Variants in NTM observed in about 807,000 individuals in gnomAD.
NTM encodes the protein IgLON family member 2.
In NTM, 13 loss-of-function variants were observed where a neutral mutation model predicts 42.1. The observed-to-expected ratio is 0.31, with a 90% CI of 0.20 to 0.49. The LOEUF (loss-of-function observed/expected upper bound fraction) is 0.49. Among genes scored for constraint, NTM ranks in the 20% least tolerant of loss-of-function variants. NTM has a pLI of 0.99. For missense variants in NTM, 373 were observed against 452.8 expected, an observed-to-expected ratio of 0.82 and a Z score of 1.60; for synonymous variants, 187 against 179.2, an observed-to-expected ratio of 1.04 and a Z score of -0.35.
intron 1 of NTM, among the ~76,000 whole-genome samples, chr11:131,598,577 G>A (rs2137368995): frequency 6.6e-6 from 1 of 152,182 alleles, no homozygotes; most frequent in South Asian, 2.1e-4. Flanking sequence ...AGTCACTGGG[G>A]TCCCAGGCTG....
At chr11:132,284,636 C>A (rs944022826) in intron 4 of NTM, 1 of 153,140 alleles carries the variant, frequency 6.5e-6, no homozygotes, top group African/African-American at 2.4e-5. Context: ...CACTGTGATA[C>A]TGGCGGTTGG....
At chr11:132,289,802 G>C (rs944312782) in intron 4 of NTM, among the ~76,000 whole-genome samples, 2 of 152,196 alleles carry the variant, frequency 1.3e-5, no homozygotes, top group African/African-American at 4.8e-5. Flanking sequence ...CAGCACTGAG[G>C]TTTACCTCAG....
At chr11:131,787,354 G>GATTATTATTATTATT (rs149079341) in intron 1 of NTM, among the ~76,000 whole-genome samples, 27,227 of 144,216 alleles carry the variant, frequency 0.19, 2,790 homozygotes, top group East Asian at 0.38. Context: ...CATAATACAA[G>GATTATTATTATTATT]ATTATTATTA....
intron 1 of NTM, among the ~76,000 whole-genome samples, chr11:131,580,933 A>G (rs2058350866): frequency 6.6e-6 from 1 of 152,176 alleles, no homozygotes; most frequent in Non-Finnish European, 1.5e-5. Context: ...CACAGTGGCC[A>G]CCAAAAGGTC....
At chr11:131,995,434 G>T (rs2067822348) in intron 2 of NTM, among the ~76,000 whole-genome samples, 2 of 152,092 alleles carry the variant, frequency 1.3e-5, no homozygotes, top group African/African-American at 4.8e-5. Flanking sequence ...CTGTGCATCT[G>T]GTTTGGTCTG....
At chr11:131,977,007 G>C (rs1189094638) in intron 2 of NTM, among the ~76,000 whole-genome samples, 5 of 148,488 alleles carry the variant, frequency 3.4e-5, no homozygotes, top group African/African-American at 1.2e-4. Flanking sequence ...GAGCACAGGG[G>C]TGACCAGCCC....
intron 1 of NTM, chr11:131,774,160 T>A (rs911608856): frequency 8.3e-5 from 81 of 976,934 alleles, no homozygotes; most frequent in Non-Finnish European, 9.5e-5. Flanking sequence ...GGGAAACCCA[T>A]CAGCTCTAAG....
intron 1 of NTM, among the ~76,000 whole-genome samples, chr11:131,391,051 G>A (rs1370906917): frequency 3.3e-5 from 5 of 152,156 alleles, no homozygotes; most frequent in Admixed American, 1.3e-4. Context: ...ACGGGGCTGC[G>A]GGGAAAGGCA....
Position 132,335,656 on chromosome 11 carries a change from A to T in NTM, c.*510A>T, listed in dbSNP as rs2095866815. 6.6e-6 allele frequency: 1 copy of T among 152,608 alleles called. No homozygotes were observed. The highest frequency in any genetic ancestry group is 2.4e-5 in the African/African-American group (1 of 41,468). The allele number at this position is 152,608 out of a possible 1,614,324, so 9.5% of individuals were successfully genotyped here. A position where few individuals can be genotyped will look rare whatever the true frequency, so the allele number is the denominator to read the frequency against. ...ACGTGAAATAAAAAGAGCAAGAAAG[A>T]AAAAGGAAACAAAATAAGACCGTCT... On this transcript the variant is annotated 3_prime_UTR_variant, in exon 9 of 9. Transcript: ENST00000683400.
chr11:132,117,133 G>A (rs1017086701), intron 2 of NTM, among the ~76,000 whole-genome samples: 2 of 152,302 alleles, frequency 1.3e-5, no homozygotes, highest in African/African-American at 4.8e-5. Flanking sequence ...GAAATCGTGA[G>A]TGTTCATTTA....
intron 4 of NTM, among the ~76,000 whole-genome samples, chr11:132,270,535 C>T (rs928472088): frequency 2.6e-5 from 4 of 151,938 alleles, no homozygotes; most frequent in Non-Finnish European, 5.9e-5. Flanking sequence ...GGTCAGAGAA[C>T]CATATTTTTA....
intron 1 of NTM, among the ~76,000 whole-genome samples, chr11:131,751,624 G>A (rs181919464): frequency 6.6e-6 from 1 of 151,970 alleles, no homozygotes; most frequent in African/African-American, 2.4e-5. Flanking sequence ...GCTGGACATG[G>A]TGGCATGTGC....
At chr11:132,254,795 C>G (rs192089052) in intron 4 of NTM, among the ~76,000 whole-genome samples, 1 of 152,250 alleles carries the variant, frequency 6.6e-6, no homozygotes, top group Admixed American at 6.5e-5. Context: ...CCTGTTGCCC[C>G]TGCTGGGATT....
At chr11:131,627,312 A>T (rs754965335) in intron 1 of NTM, among the ~76,000 whole-genome samples, 3 of 151,600 alleles carry the variant, frequency 2.0e-5, no homozygotes, top group Non-Finnish European at 4.4e-5. Context: ...AGAGCAGAGG[A>T]ATGTCTGAGG....
At chr11:132,314,844 A>G in intron 7 of NTM, 141 bp downstream of exon 7, 1 of 1,395,120 alleles carries the variant, frequency 7.2e-7, no homozygotes, top group Non-Finnish European at 9.3e-7. Flanking sequence ...AAAGAGAGAG[A>G]CACAGAAAGA....
intron 1 of NTM, chr11:131,537,528 C>T (rs1427572435): frequency 6.6e-6 from 1 of 152,172 alleles, no homozygotes; most frequent in Non-Finnish European, 1.5e-5. Context: ...TCAAAAGGCT[C>T]TTATTACTTA....
intron 2 of NTM, among the ~76,000 whole-genome samples, chr11:132,096,365 G>C (rs1169652707): frequency 1.3e-5 from 2 of 152,132 alleles, no homozygotes; most frequent in African/African-American, 4.8e-5. Context: ...CAGGATAATG[G>C]TTCCCGCTCA....
At chr11:131,941,156 A>G (rs184325949) in intron 2 of NTM, among the ~76,000 whole-genome samples, 2 of 152,324 alleles carry the variant, frequency 1.3e-5, no homozygotes, top group Admixed American at 1.3e-4. Flanking sequence ...ATGGGCAGTA[A>G]CTTATAAGTC....
At chr11:131,916,396 T>C (rs1218017879) in intron 2 of NTM, among the ~76,000 whole-genome samples, 1 of 152,212 alleles carries the variant, frequency 6.6e-6, no homozygotes, top group East Asian at 1.9e-4. Flanking sequence ...GGCAGGTGGG[T>C]ATCAGAGGCT....
Sources: allele counts gnomAD v4.1 joint callset (sites outside exome capture counted in the v4.1 genomes callset), GRCh38; gene constraint gnomAD v4.1.1; transcripts MANE v1.5; gene names NCBI Gene and HGNC (gene_info 2026-07-23, HGNC 2026-07-21).